KIAA1958: variants seen among roughly 807,000 people sequenced by gnomAD.
KIAA1958 encodes uncharacterized protein KIAA1958.
A neutral mutation model predicts 47.2 loss-of-function variants in KIAA1958; 14 were observed. The observed-to-expected ratio is 0.30, with a 90% CI of 0.20 to 0.46. KIAA1958 has a LOEUF of 0.46. Ranked by LOEUF, KIAA1958 falls within the 20% of genes least tolerant of loss-of-function variation. The probability of loss-of-function intolerance (pLI) is 1.00; values close to 1 mark genes in which losing one functional copy is unlikely to be tolerated. For missense variants in KIAA1958, 803 were observed against 909.2 expected (o/e 0.88, Z 1.50); for synonymous variants, 354 against 353.3 (o/e 1.00, Z -0.02).
chr9:112,613,647 C>A (rs1836364579), intron 2 of KIAA1958, among the ~76,000 whole-genome samples: 1 of 151,924 alleles, frequency 6.6e-6, no homozygotes, highest in African/African-American at 2.4e-5. Context: ...GCAGACAATC[C>A]AGTAGATAAA....
chr9:112,666,658 T>C lies in KIAA1958; in HGVS notation c.*6589T>C, dbSNP rs1588060267. 2.0e-5 allele frequency: 3 copies of C among 152,232 alleles called. No homozygotes were observed. Among genetic ancestry groups the C allele is most frequent in the African/African-American group, 7.2e-5 (3 of 41,528 alleles). 9.4% of individuals were successfully genotyped at this position (152,232 alleles called of 1,614,324 possible). ...ATGTAATTTATGAGGCATATGGAGG[T>C]AGCTTGGGGCAAAAGTTTCCAAGTA... On this transcript the variant is annotated 3_prime_UTR_variant, in exon 4 of 4. Transcript: ENST00000337530.
At chr9:112,563,369 T>G (rs1263777582) in intron 1 of KIAA1958, among the ~76,000 whole-genome samples, 2 of 152,162 alleles carry the variant, frequency 1.3e-5, no homozygotes, top group Non-Finnish European at 2.9e-5. Context: ...ATACGGTATA[T>G]CTTTCTGTTT....
rs1837278123 is a variant in KIAA1958 at position 112,661,684 on chromosome 9, ACTGTG to A, written c.*1617_*1621del. 6.6e-6 allele frequency: 1 copy of A among 152,156 alleles called. No individual in the cohort carries two copies. Among genetic ancestry groups the A allele is most frequent in the Admixed American group, 6.5e-5 (1 of 15,280 alleles). 9.4% of individuals were successfully genotyped at this position (152,156 alleles called of 1,614,324 possible). On this transcript the variant is annotated 3_prime_UTR_variant, in exon 4 of 4. Coordinates refer to ENST00000337530, the MANE Select transcript of KIAA1958 (RefSeq NM_133465.4). ...ATTTAATGTTATTCCCTTTTTAGTC[ACTGTG>A]CATTTATAAGTTTGTTTACTAGTTG...
chr9:112,629,575 A>G (rs1448167168), intron 2 of KIAA1958, among the ~76,000 whole-genome samples: 2 of 152,012 alleles, frequency 1.3e-5, no homozygotes, highest in African/African-American at 4.8e-5. Context: ...TGTTAAGAGT[A>G]CTCTCATCTT....
intron 1 of KIAA1958, among the ~76,000 whole-genome samples, chr9:112,543,008 G>T (rs1291703243): frequency 6.6e-6 from 1 of 152,198 alleles, no homozygotes; most frequent in Non-Finnish European, 1.5e-5. Context: ...TACATGGCTT[G>T]CTTCGGGAGT....
In KIAA1958 at chr9:112,543,567, C is replaced by CTTT. The variant is rs138422704; in HGVS notation, c.-24-30470_-24-30468dup. On this transcript the variant is annotated intron_variant, in intron 1 of 3. Transcript: ENST00000337530. ...ACTTTACCATTGAGCTTCTGAGCTT[C>CTTT]TTTTTTTTTTTTTTTTTTTTTTGAG... is the stretch of plus-strand genomic sequence containing the variant. 8.3e-5 allele frequency among the ~76,000 whole-genome samples: 9 copies of CTTT among 108,178 alleles called. No individual in the cohort carries two copies. The East Asian group carries it at 1.6e-3, about 19-fold the overall frequency. The allele number at this position is 108,178 out of a possible 152,430, so 71.0% of individuals were successfully genotyped here.
chr9:112,533,385 G>C (rs1041321683), intron 1 of KIAA1958, among the ~76,000 whole-genome samples: 1 of 149,408 alleles, frequency 6.7e-6, no homozygotes, highest in Non-Finnish European at 1.5e-5. Flanking sequence ...GACCACCCTG[G>C]CTAACACGGT....
chr9:112,623,064 G>T (rs140207395), intron 2 of KIAA1958, among the ~76,000 whole-genome samples: 28 of 152,254 alleles, frequency 1.8e-4, no homozygotes, highest in Middle Eastern at 3.4e-3. Context: ...GAATATGTTG[G>T]TCTGCTGTGG....
chr9:112,649,534 G>T (rs573819773), intron 3 of KIAA1958, among the ~76,000 whole-genome samples: 26 of 152,108 alleles, frequency 1.7e-4, no homozygotes, highest in Admixed American at 4.6e-4. Context: ...CATGTAATTG[G>T]AATCCCTGAA....
At chr9:112,605,218 G>A (rs1400513117) in intron 2 of KIAA1958, among the ~76,000 whole-genome samples, 1 of 152,002 alleles carries the variant, frequency 6.6e-6, no homozygotes, top group Non-Finnish European at 1.5e-5. Flanking sequence ...GACAATGTAA[G>A]TCTAATCACC....
At chr9:112,584,285 GAT>G (rs1485404134) in intron 2 of KIAA1958, among the ~76,000 whole-genome samples, 2 of 151,774 alleles carry the variant, frequency 1.3e-5, no homozygotes, top group Admixed American at 1.3e-4. Flanking sequence ...CTATAGGGTT[GAT>G]ATATATATAG....
chr9:112,515,894 TAAA>T lies in KIAA1958; in HGVS notation c.-25+28793_-25+28795del, dbSNP rs58492221. On this transcript the variant is annotated intron_variant, in intron 1 of 3. Transcript: ENST00000337530. The stretch of plus-strand genomic sequence containing the variant: ...AAGAATTATCAATAAAAAAATAAAT[TAAA>T]AAAAAAAAAAAAAAAAGACTGAATG... Among the ~76,000 whole-genome samples, 287 of 97,114 alleles carry T rather than the reference TAAA, an allele frequency of 3.0e-3. 2 individuals are homozygous for T. The highest frequency in any genetic ancestry group is 0.011 in the Middle Eastern group (2 of 174). 63.7% of individuals were successfully genotyped at this position (97,114 alleles called of 152,430 possible). A position where few individuals can be genotyped will look rare whatever the true frequency, so the allele number is the denominator to read the frequency against.
chr9:112,550,001 G>T (rs1346949990), intron 1 of KIAA1958, among the ~76,000 whole-genome samples: 1 of 152,220 alleles, frequency 6.6e-6, no homozygotes, highest in Non-Finnish European at 1.5e-5. Context: ...CATTTGCAAA[G>T]ATCTACTAGA....
Position 112,659,793 on chromosome 9 carries a change from C to A in KIAA1958, c.1875C>A (p.His625Gln). The A allele has an allele frequency of 3.7e-6, 6 of 1,614,168 alleles. No homozygotes were observed. The highest frequency in any genetic ancestry group is 5.1e-6 in the Non-Finnish European group (6 of 1,180,038). Residue 625 changes from histidine (H) to glutamine (Q), a missense_variant, in exon 4 of 4, where the codon CAC becomes CAA. His to Gln is a conservative substitution (Grantham distance 24, BLOSUM62 0). This residue lies in a region of KIAA1958 where 761 missense variants were observed against 829.3 expected (regional missense o/e 0.92). Coordinates refer to ENST00000337530, the MANE Select transcript of KIAA1958 (RefSeq NM_133465.4). ...GKIYHEHSRG[H>Q]KQCPYCLLYK... ...TCTACCATGAGCATTCCCGGGGACA[C>A]AAACAGTGCCCTTACTGCCTCCTCT...
chr9:112,579,201 T>TTTAAAA (rs1031139696), intron 2 of KIAA1958, among the ~76,000 whole-genome samples: 8 of 152,168 alleles, frequency 5.3e-5, no homozygotes, highest in Admixed American at 4.6e-4. Flanking sequence ...CTTTTAATTT[T>TTTAAAA]GTTGATGACC....
intron 1 of KIAA1958, among the ~76,000 whole-genome samples, chr9:112,492,018 T>G (rs1179530132): frequency 6.6e-6 from 1 of 152,206 alleles, no homozygotes; most frequent in African/African-American, 2.4e-5. Flanking sequence ...TATCAAAAGC[T>G]CTATCCTTTT....
At chr9:112,500,706 A>T (rs1834120132) in intron 1 of KIAA1958, among the ~76,000 whole-genome samples, 1 of 152,210 alleles carries the variant, frequency 6.6e-6, no homozygotes, top group Non-Finnish European at 1.5e-5. Context: ...GTCCTTGCAC[A>T]TTACATAATA....
chr9:112,533,998 A>G (rs1834811098), intron 1 of KIAA1958, among the ~76,000 whole-genome samples: 1 of 152,226 alleles, frequency 6.6e-6, no homozygotes, highest in Non-Finnish European at 1.5e-5. Flanking sequence ...AGTAGAACAT[A>G]GCTGCTAAGT....
intron 1 of KIAA1958, among the ~76,000 whole-genome samples, chr9:112,487,747 G>A (rs1833887836): frequency 6.6e-6 from 1 of 152,104 alleles, no homozygotes; most frequent in African/African-American, 2.4e-5. Context: ...TGCGCACAGT[G>A]ATTTGTGTTT....
Sources: allele counts gnomAD v4.1 joint callset (sites outside exome capture counted in the v4.1 genomes callset), GRCh38; gene constraint gnomAD v4.1.1; regional missense constraint gnomAD v4.1.1; transcripts MANE v1.5; gene names NCBI Gene and HGNC (gene_info 2026-07-23, HGNC 2026-07-21).